GHR: variants seen among roughly 807,000 people sequenced by gnomAD.
The protein encoded by GHR is growth hormone receptor, also known as GH receptor.
A neutral mutation model predicts 67.1 loss-of-function variants in GHR; 35 were observed. The ratio of observed to expected loss-of-function variants is 0.52; its 90% confidence interval spans 0.40 to 0.69. The LOEUF is 0.69. GHR is among the 30% of genes least tolerant of loss of function. The probability of loss-of-function intolerance (pLI) is 0.00; values close to 1 mark genes in which losing one functional copy is unlikely to be tolerated. For synonymous variants in GHR, 272 were observed against 269.1 expected, an observed-to-expected ratio of 1.01 and a Z score of -0.10; for missense variants, 792 against 764.6, an observed-to-expected ratio of 1.04 and a Z score of -0.42.
At chr5:42,472,510 G>A (rs1350972714) in intron 1 of GHR, among the ~76,000 whole-genome samples, 2 of 152,210 alleles carry the variant, frequency 1.3e-5, no homozygotes, top group African/African-American at 4.8e-5. Flanking sequence ...CCAGAATACT[G>A]GCAGGGCAAG....
intron 8 of GHR, among the ~76,000 whole-genome samples, chr5:42,717,427 G>A (rs6451641): frequency 0.73 from 111,053 of 152,118 alleles, 41,324 homozygotes; most frequent in East Asian, 1. Context: ...AAAAATGTAA[G>A]TGCATCCTAG....
intron 3 of GHR, among the ~76,000 whole-genome samples, chr5:42,646,851 T>C (rs1484419424): frequency 6.6e-6 from 1 of 152,190 alleles, no homozygotes; most frequent in Non-Finnish European, 1.5e-5. Context: ...TGGGAATCAC[T>C]GTGGTACCAG....
At chr5:42,574,879 A>C (rs1356156942) in intron 2 of GHR, among the ~76,000 whole-genome samples, 17 of 152,194 alleles carry the variant, frequency 1.1e-4, no homozygotes, top group Non-Finnish European at 1.5e-5. Flanking sequence ...GCCTTAAAGC[A>C]GAGGGTAAAA....
At chr5:42,539,743 A>G (rs1419517375) in intron 1 of GHR, among the ~76,000 whole-genome samples, 1 of 152,190 alleles carries the variant, frequency 6.6e-6, no homozygotes, top group Non-Finnish European at 1.5e-5. Flanking sequence ...TTAAGATCCC[A>G]TAAATGCCTT....
chr5:42,578,666 T>C (rs1330629954), intron 2 of GHR, among the ~76,000 whole-genome samples: 1 of 152,194 alleles, frequency 6.6e-6, no homozygotes, highest in East Asian at 1.9e-4. Context: ...CTAAATACTC[T>C]TTTATACAAT....
intron 6 of GHR, among the ~76,000 whole-genome samples, chr5:42,709,452 A>T (rs78741235): frequency 0.011 from 1,627 of 152,192 alleles, 31 homozygotes; most frequent in African/African-American, 0.038. Context: ...TGCCCTTTTT[A>T]GTAAATACAT....
intron 1 of GHR, among the ~76,000 whole-genome samples, chr5:42,463,161 A>G (rs1744559518): frequency 6.6e-6 from 1 of 152,182 alleles, no homozygotes; most frequent in Non-Finnish European, 1.5e-5. Flanking sequence ...TCCATTAAAT[A>G]TTACTGAGAT....
chr5:42,625,597 A>T (rs1753662511), intron 2 of GHR, among the ~76,000 whole-genome samples: 1 of 152,136 alleles, frequency 6.6e-6, no homozygotes, highest in Non-Finnish European at 1.5e-5. Flanking sequence ...CATCAATCAA[A>T]TACATTTAAG....
At chr5:42,484,655 A>G (rs1437391790) in intron 1 of GHR, among the ~76,000 whole-genome samples, 1 of 152,252 alleles carries the variant, frequency 6.6e-6, no homozygotes, top group African/African-American at 2.4e-5. Context: ...AGGTCCACTG[A>G]GGCATGCTCC....
At chr5:42,688,401 C>T (rs527271188) in intron 3 of GHR, among the ~76,000 whole-genome samples, 2 of 152,284 alleles carry the variant, frequency 1.3e-5, no homozygotes, top group East Asian at 3.9e-4. Flanking sequence ...AATATCCTAG[C>T]CTCTCATCTT....
At chr5:42,590,468 A>G (rs758341317) in intron 2 of GHR, among the ~76,000 whole-genome samples, 1 of 152,180 alleles carries the variant, frequency 6.6e-6, no homozygotes, top group African/African-American at 2.4e-5. Context: ...ATTGTGGGGA[A>G]GACTGCTGTG....
intron 2 of GHR, among the ~76,000 whole-genome samples, chr5:42,581,037 G>A (rs549434198): frequency 2.0e-5 from 3 of 152,260 alleles, no homozygotes; most frequent in Non-Finnish European, 2.9e-5. Context: ...ATGAGGATGC[G>A]TCTCTTGATT....
intron 1 of GHR, among the ~76,000 whole-genome samples, chr5:42,542,629 A>T (rs1372148481): frequency 1.3e-5 from 2 of 152,124 alleles, no homozygotes; most frequent in Non-Finnish European, 2.9e-5. Flanking sequence ...AAAATTTTAT[A>T]CATGTATATT....
intron 2 of GHR, among the ~76,000 whole-genome samples, chr5:42,578,254 C>G (rs1200608262): frequency 6.6e-6 from 1 of 152,092 alleles, no homozygotes; most frequent in African/African-American, 2.4e-5. Flanking sequence ...GAACCACAGT[C>G]TAGATCTGGT....
At chr5:42,435,750 G>T (rs533536485) in intron 1 of GHR, among the ~76,000 whole-genome samples, 1 of 152,128 alleles carries the variant, frequency 6.6e-6, no homozygotes, top group Non-Finnish European at 1.5e-5. Flanking sequence ...ATCCAGAAGC[G>T]TGCACTGCTT....
intron 7 of GHR, among the ~76,000 whole-genome samples, chr5:42,713,108 C>A (rs1005669382): frequency 2.6e-5 from 4 of 152,038 alleles, no homozygotes; most frequent in African/African-American, 9.6e-5. Context: ...AAGCTGAAAC[C>A]TTTATGATAC....
chr5:42,650,573 G>A (rs1253076990), intron 3 of GHR, among the ~76,000 whole-genome samples: 1 of 76,064 alleles, frequency 1.3e-5, no homozygotes, highest in East Asian at 5.8e-4. Flanking sequence ...CACTTTTACA[G>A]ATAACATATA....
Position 42,611,671 on chromosome 5 carries a change from G to T in GHR, c.71-17367G>T, listed in dbSNP as rs559452768. On this transcript the variant is annotated intron_variant, in intron 2 of 9. Transcript: ENST00000230882. ...TGTGACAGTGTCAAAAGTAAACAAA[G>T]AGGGTTCCCTGACAGAGAATTAGAG... Among the ~76,000 whole-genome samples the T allele has an allele frequency of 4.8e-3, 726 of 152,256 alleles. 6 individuals carry two copies. Among genetic ancestry groups the T allele is most frequent in the African/African-American group, 0.013 (553 of 41,560 alleles).
At chr5:42,595,311 G>A (rs1752008232) in intron 2 of GHR, among the ~76,000 whole-genome samples, 1 of 152,168 alleles carries the variant, frequency 6.6e-6, no homozygotes, top group Non-Finnish European at 1.5e-5. Context: ...TATAATATCT[G>A]TGGGAGAAAT....
Sources: allele counts gnomAD v4.1 joint callset (sites outside exome capture counted in the v4.1 genomes callset), GRCh38; gene constraint gnomAD v4.1.1; transcripts MANE v1.5; gene names NCBI Gene and HGNC (gene_info 2026-07-23, HGNC 2026-07-21).